Variants in PRKG1 observed in about 807,000 individuals in gnomAD.
PRKG1 encodes cGMP-dependent protein kinase 1.
Under a neutral mutation model 88.1 loss-of-function variants are expected in PRKG1, and 35 were observed. The ratio of observed to expected loss-of-function variants is 0.40; its 90% CI spans 0.30 to 0.53. The LOEUF is 0.53. Among genes scored for constraint, PRKG1 ranks in the 20% least tolerant of loss-of-function variants. PRKG1 has a pLI of 0.59. For missense variants in PRKG1, 540 were observed against 839.8 expected, an observed-to-expected ratio of 0.64 and a Z score of 4.41; for synonymous variants, 303 against 292.5, an observed-to-expected ratio of 1.04 and a Z score of -0.37.
At position 52,297,416 on chromosome 10, in the gene PRKG1, G is replaced by A. The variant is rs1047678220; in HGVS notation, c.*3516G>A. ...ATTTGGTGTTATGCTGCATGACAAA[G>A]ACAAACACACCTCAAAATGTTGTCC... On this transcript the variant is annotated 3_prime_UTR_variant, in exon 18 of 18. Coordinates refer to ENST00000373980, the MANE Select transcript of PRKG1 (RefSeq NM_006258.4). 1.3e-5 allele frequency: 2 copies of A among 152,036 alleles called. No homozygotes were observed. The highest frequency in any genetic ancestry group is 2.9e-5 in the Non-Finnish European group (2 of 68,006). 9.4% of individuals were successfully genotyped at this position (152,036 alleles called of 1,614,324 possible). A position where few individuals can be genotyped will look rare whatever the true frequency, so the allele number is the denominator to read the frequency against.
chr10:51,857,277 A>C lies in PRKG1; in HGVS notation c.699-50230A>C, dbSNP rs113508111. ...TTCTAATGGATCGCCTTATTCAGAA[A>C]AGACTAACATTGTATAATAATAGTA... On this transcript the variant is annotated intron_variant, in intron 4 of 17. Coordinates refer to ENST00000373980, the MANE Select transcript of PRKG1 (RefSeq NM_006258.4). Among the ~76,000 whole-genome samples, 265 of 152,370 alleles carry C rather than the reference A, an allele frequency of 1.7e-3. 1 individual carries two copies. Among genetic ancestry groups the C allele is most frequent in the African/African-American group, 5.6e-3 (234 of 41,588 alleles).
chr10:51,654,807 C>T (rs1922129), intron 3 of PRKG1, among the ~76,000 whole-genome samples: 72,281 of 151,932 alleles, frequency 0.48, 18,778 homozygotes, highest in East Asian at 0.72. Context: ...TTAATTATTT[C>T]GGTTTCTCAT....
chr10:51,598,990 C>T (rs374764691), intron 3 of PRKG1, among the ~76,000 whole-genome samples: 2 of 152,118 alleles, frequency 1.3e-5, no homozygotes, highest in Non-Finnish European at 2.9e-5. Context: ...CAAACAACAC[C>T]ATGTGCCAGA....
chr10:51,898,078 T>C (rs1421296481), intron 4 of PRKG1, among the ~76,000 whole-genome samples: 1 of 152,134 alleles, frequency 6.6e-6, no homozygotes, highest in East Asian at 1.9e-4. Flanking sequence ...TTGCTACTCC[T>C]GGAATCTACC....
At chr10:52,148,204 T>G (rs760096872) in intron 8 of PRKG1, among the ~76,000 whole-genome samples, 9 of 152,182 alleles carry the variant, frequency 5.9e-5, no homozygotes, top group Admixed American at 4.6e-4. Flanking sequence ...CTAGGTAACA[T>G]TGGCAATGCC....
chr10:51,213,186 AC>A (rs1838277272), intron 2 of PRKG1, among the ~76,000 whole-genome samples: 1 of 152,148 alleles, frequency 6.6e-6, no homozygotes, highest in South Asian at 2.1e-4. Flanking sequence ...GAAGCTGGAA[AC>A]CATCATTCTC....
chr10:51,758,275 A>G (rs1460838304), intron 3 of PRKG1, among the ~76,000 whole-genome samples: 1 of 152,218 alleles, frequency 6.6e-6, no homozygotes, highest in African/African-American at 2.4e-5. Context: ...AATTTGATGT[A>G]TAAATCTTTA....
rs368980983 is a variant in PRKG1, at chr10:52,227,399, G to A, written c.1077-24171G>A. Among the ~76,000 whole-genome samples, 17 of 152,234 alleles carry A rather than the reference G, an allele frequency of 1.1e-4. No homozygotes were observed. The East Asian group carries it at 2.9e-3, about 26-fold the overall frequency. On this transcript the variant is annotated intron_variant, in intron 9 of 17. Transcript: ENST00000373980. ...AAATATTAGAAAAAGTTGCATTTGTGCTGAACATGTACATACTTTTCTTTC... is the reference window on the plus strand; with the variant it reads ...AAATATTAGAAAAAGTTGCATTTGTACTGAACATGTACATACTTTTCTTTC...
chr10:52,128,990 C>A (rs1457269526), intron 7 of PRKG1, among the ~76,000 whole-genome samples: 1 of 152,064 alleles, frequency 6.6e-6, no homozygotes, highest in Non-Finnish European at 1.5e-5. Flanking sequence ...AACATTATAA[C>A]CCTAGTTATA....
chr10:51,072,290 A>G (rs998896807), upstream of PRKG1, among the ~76,000 whole-genome samples: 1 of 152,172 alleles, frequency 6.6e-6, no homozygotes, highest in African/African-American at 2.4e-5. Flanking sequence ...TCCTCTATAC[A>G]TTGTATCTGG....
At chr10:51,997,309 A>G (rs891443771) in intron 5 of PRKG1, among the ~76,000 whole-genome samples, 3 of 151,988 alleles carry the variant, frequency 2.0e-5, no homozygotes, top group African/African-American at 7.2e-5. Context: ...CGTCTCTACT[A>G]AAAATACATA....
intron 1 of PRKG1, among the ~76,000 whole-genome samples, chr10:51,089,479 G>A (rs1049604777): frequency 2.6e-5 from 4 of 152,084 alleles, no homozygotes; most frequent in African/African-American, 9.7e-5. Flanking sequence ...TTTTTAACTA[G>A]GTGCTTGCCT....
chr10:51,094,240 ATTC>A (rs1173847272), intron 1 of PRKG1, among the ~76,000 whole-genome samples: 1 of 152,020 alleles, frequency 6.6e-6, no homozygotes, highest in African/African-American at 2.4e-5. Context: ...TTTCCCTTTT[ATTC>A]TTCTTGTAGC....
intron 4 of PRKG1, among the ~76,000 whole-genome samples, chr10:51,904,666 G>A (rs1842048345): frequency 6.6e-6 from 1 of 152,090 alleles, no homozygotes; most frequent in Non-Finnish European, 1.5e-5. Context: ...AAGTCCAGAA[G>A]TGCTTCAGTT....
At chr10:51,059,215 A>T (rs931749722) in intron 1 of PRKG1, among the ~76,000 whole-genome samples, 1 of 152,140 alleles carries the variant, frequency 6.6e-6, no homozygotes, top group Non-Finnish European at 1.5e-5. Context: ...TCAGACCTCA[A>T]TTATAATGTT....
At chr10:51,084,149 A>T (rs541661131) in intron 1 of PRKG1, among the ~76,000 whole-genome samples, 41 of 152,340 alleles carry the variant, frequency 2.7e-4, no homozygotes, top group African/African-American at 8.9e-4. Context: ...TTAATTATGC[A>T]GGGAAGTTAA....
chr10:51,520,379 G>A (rs969760923), intron 3 of PRKG1, among the ~76,000 whole-genome samples: 3 of 150,174 alleles, frequency 2.0e-5, no homozygotes, highest in African/African-American at 7.3e-5. Flanking sequence ...GATAATGAAT[G>A]TAAAATAGAA....
Position 51,412,180 on chromosome 10 carries a change from TGA to T in PRKG1, c.479-55510_479-55509del, listed in dbSNP as rs746950388. Among the ~76,000 whole-genome samples the T allele has an allele frequency of 3.1e-3, 384 of 125,234 alleles. 4 individuals are homozygous for T. The highest frequency in any genetic ancestry group is 0.017 in the Middle Eastern group (4 of 240). The allele number at this position is 125,234 out of a possible 152,430, so 82.2% of individuals were successfully genotyped here. A position where few individuals can be genotyped will look rare whatever the true frequency, so the allele number is the denominator to read the frequency against. ...ACCAAGCTGATTAAAGGAGAGAGAG[TGA>T]GAGAGAGAGAGAGAGAGAGAGAGAG... On this transcript the variant is annotated intron_variant, in intron 2 of 17. Coordinates refer to ENST00000373980, the MANE Select transcript of PRKG1 (RefSeq NM_006258.4).
chr10:51,482,257 A>T (rs1840385375), intron 3 of PRKG1, among the ~76,000 whole-genome samples: 1 of 152,160 alleles, frequency 6.6e-6, no homozygotes, highest in South Asian at 2.1e-4. Flanking sequence ...TAAGTGAGTT[A>T]TTTACCCCCT....
Sources: gnomAD v4.1 joint callset for allele counts (sites outside exome capture counted in the v4.1 genomes callset) on GRCh38, gnomAD v4.1.1 for gene constraint, MANE v1.5 for transcripts, NCBI Gene and HGNC (gene_info 2026-07-23, HGNC 2026-07-21) for gene names.